The following EFTUD2 variants were observed in gnomAD, a reference collection of about 807,000 sequenced individuals.
EFTUD2 encodes the protein elongation factor Tu GTP binding domain containing 2.
EFTUD2 carries 9 observed loss-of-function variants against 114.3 expected under a neutral mutation model. The observed-to-expected ratio is 0.08, with a 90% confidence interval of 0.05 to 0.14. The LOEUF is 0.14. Ranked by LOEUF, EFTUD2 falls within the 10% of genes least tolerant of loss-of-function variation. EFTUD2 has a pLI of 1.00. For synonymous variants in EFTUD2, 449 were observed against 462.3 expected, an observed-to-expected ratio of 0.97 and a Z score of 0.37; for missense variants, 765 against 1,241.2, an observed-to-expected ratio of 0.62 and a Z score of 5.76.
At chr17:44,868,844 C>T (rs552091682) in intron 11 of EFTUD2, among the ~76,000 whole-genome samples, 63 of 152,306 alleles carry the variant, frequency 4.1e-4, no homozygotes, top group African/African-American at 1.4e-3. Flanking sequence ...AATTACTCAG[C>T]CCTCTCGAGA....
chr17:44,895,972 G>A (rs1028866209), intron 1 of EFTUD2: 4 of 152,174 alleles, frequency 2.6e-5, no homozygotes, highest in Admixed American at 2.6e-4. Context: ...CCCTTGATTT[G>A]AGGTTGTCTG....
chr17:44,852,977 T>C (rs568586325), intron 25 of EFTUD2, among the ~76,000 whole-genome samples: 4 of 150,916 alleles, frequency 2.7e-5, no homozygotes, highest in Admixed American at 1.3e-4. Flanking sequence ...GCCTCCTGGG[T>C]TCACGCCATT....
intron 8 of EFTUD2, among the ~76,000 whole-genome samples, chr17:44,879,841 TAA>T (rs1356576926): frequency 1.3e-5 from 2 of 151,644 alleles, no homozygotes; most frequent in Non-Finnish European, 2.9e-5. Context: ...GCTCCCTACA[TAA>T]AAAGAGGGAC....
chr17:44,879,945 C>T (rs915021997), intron 8 of EFTUD2, among the ~76,000 whole-genome samples: 2 of 152,068 alleles, frequency 1.3e-5, no homozygotes, highest in African/African-American at 2.4e-5. Context: ...GGATTCAAGA[C>T]AATCTGGAGG....
chr17:44,893,011 ATACATCATGTC>A (rs1567756264), intron 2 of EFTUD2, among the ~76,000 whole-genome samples: 1 of 152,210 alleles, frequency 6.6e-6, no homozygotes, highest in Non-Finnish European at 1.5e-5. Context: ...CCAAATCAAG[ATACATCATGTC>A]CACAGCATGC....
chr17:44,857,204 G>C (rs1447015788), intron 19 of EFTUD2, 47 bp from the exon 20 acceptor site: 6 of 1,543,980 alleles, frequency 3.9e-6, no homozygotes, highest in East Asian at 2.3e-5. Context: ...AATTTTGTTG[G>C]AAGGGCAACC....
chr17:44,873,898 AT>A (rs1054585104), intron 10 of EFTUD2, among the ~76,000 whole-genome samples: 1 of 149,334 alleles, frequency 6.7e-6, no homozygotes, highest in African/African-American at 2.5e-5. Context: ...AGCCCGGCTA[AT>A]TTTTTTTGTA....
chr17:44,881,565 T>C (rs2051073123), intron 7 of EFTUD2, 122 bp downstream of exon 7: 1 of 1,034,266 alleles, frequency 9.7e-7, no homozygotes, highest in Non-Finnish European at 1.5e-6. Context: ...ATGTGAGAAG[T>C]GGAGAGAGAG....
At chr17:44,894,054 G>A in intron 2 of EFTUD2, 1 of 207,640 alleles carries the variant, frequency 4.8e-6, no homozygotes, top group South Asian at 7.8e-5. Flanking sequence ...TGGGCAACAG[G>A]GTGAGACTGT....
chr17:44,875,246 A>G (rs1019865282), intron 10 of EFTUD2, among the ~76,000 whole-genome samples: 3 of 152,008 alleles, frequency 2.0e-5, no homozygotes, highest in African/African-American at 7.2e-5. Context: ...ATTAAAAAAA[A>G]TTGGCCGGGG....
chr17:44,864,903 G>GT, intron 14 of EFTUD2, 27 bp downstream of exon 14: 1 of 1,611,696 alleles, frequency 6.2e-7, no homozygotes, highest in Non-Finnish European at 8.5e-7. Flanking sequence ...GGATGACAGA[G>GT]TTAAGGGGCC....
intron 10 of EFTUD2, 98 bp from the exon 11 acceptor site, chr17:44,872,668 A>G (rs1175597933): frequency 7.0e-7 from 1 of 1,427,148 alleles, no homozygotes; most frequent in African/African-American, 1.4e-5. Flanking sequence ...GCCACTCTCC[A>G]GCCCTCGGAA....
At chr17:44,867,127 CTT>C (rs553704452) in intron 13 of EFTUD2, among the ~76,000 whole-genome samples, 11 of 152,146 alleles carry the variant, frequency 7.2e-5, no homozygotes, top group African/African-American at 2.6e-4. Context: ...ATAATAAACA[CTT>C]TGACTTATAT....
intron 2 of EFTUD2, among the ~76,000 whole-genome samples, chr17:44,888,712 G>C (rs2051220650): frequency 6.6e-6 from 1 of 152,178 alleles, no homozygotes; most frequent in African/African-American, 2.4e-5. Flanking sequence ...TTTTTGATCT[G>C]AGCACCGGAA....
At chr17:44,873,937 T>C (rs1254326759) in intron 10 of EFTUD2, among the ~76,000 whole-genome samples, 1 of 150,804 alleles carries the variant, frequency 6.6e-6, no homozygotes, top group Non-Finnish European at 1.5e-5. Flanking sequence ...GGTTTCACCG[T>C]GTTAGCCAGG....
intron 3 of EFTUD2, among the ~76,000 whole-genome samples, 174 bp downstream of exon 3, chr17:44,886,411 A>G (rs914885888): frequency 6.6e-6 from 1 of 152,376 alleles, no homozygotes; most frequent in African/African-American, 2.4e-5. Flanking sequence ...AAACTAGTTA[A>G]GAACTTTACT....
rs1372442171 is a variant in EFTUD2 at position 44,856,917 on chromosome 17, G to A, written c.2045+158C>T. Among the ~76,000 whole-genome samples the A allele has an allele frequency of 2.0e-5, 3 of 152,314 alleles. No individual in the cohort carries two copies. In the East Asian group the frequency reaches 5.8e-4, roughly 29 times the overall value. On this transcript the variant is annotated intron_variant, in intron 20 of 27. Transcript: ENST00000426333. Reference sequence around the variant, plus strand: ...TTGTGTTCAAAGGCAGAAGGGCTGAGAGGGCTGGAGTGAAACTCAAGTATT... The same window carrying A: ...TTGTGTTCAAAGGCAGAAGGGCTGAAAGGGCTGGAGTGAAACTCAAGTATT...
intron 9 of EFTUD2, among the ~76,000 whole-genome samples, chr17:44,877,477 TG>T (rs1466702007): frequency 6.6e-6 from 1 of 151,886 alleles, no homozygotes; most frequent in Non-Finnish European, 1.5e-5. Flanking sequence ...AATAAGCAAA[TG>T]GGGGAGAAAC....
rs144798973 is a variant in EFTUD2, at chr17:44,857,078, T to C, written c.2042A>G (p.Lys681Arg). The C allele has an allele frequency of 4.3e-5, 69 of 1,613,736 alleles. No homozygotes were observed. The highest frequency in any genetic ancestry group is 5.6e-5 in the Non-Finnish European group (66 of 1,179,664). ...SLKCFAETPN[K>R]KNKITMIAEP... ...GGACACTGTGCTCCCAGCTTACTTC[T>C]TATTAGGCGTTTCAGCAAAGCACTT... The change falls in exon 20 of 28, where the codon AAG becomes AGG. Residue 681 changes from lysine to arginine, a missense_variant. Lys to Arg is a conservative substitution (Grantham distance 26). Transcript: ENST00000426333.
Sources: allele counts gnomAD v4.1 joint callset (sites outside exome capture counted in the v4.1 genomes callset), GRCh38; gene constraint gnomAD v4.1.1; transcripts MANE v1.5; gene names NCBI Gene and HGNC (gene_info 2026-07-23, HGNC 2026-07-21).